The following AAMDC variants were observed in gnomAD, a reference collection of about 807,000 sequenced individuals.
The protein encoded by AAMDC is adipogenesis associated Mth938 domain containing, also known as mth938 domain-containing protein.
In AAMDC, 16 loss-of-function variants were observed where a neutral mutation model predicts 15.5. The ratio of observed to expected loss-of-function variants is 1.03; its 90% confidence interval spans 0.70 to 1.57. The LOEUF (loss-of-function observed/expected upper bound fraction) is 1.57, where lower values mean the gene tolerates loss of function less well. Among genes scored for constraint, AAMDC ranks in the 40% most tolerant of loss-of-function variants. The pLI, the probability that AAMDC is intolerant of heterozygous loss-of-function variation, is 0.00. For missense variants in AAMDC, 141 were observed against 144.9 expected, an observed-to-expected ratio of 0.97 and a Z score of 0.14; for synonymous variants, 51 against 51.6, an observed-to-expected ratio of 0.99 and a Z score of 0.05.
chr11:77,833,174 T>C (rs1949533677), intron 1 of AAMDC, among the ~76,000 whole-genome samples: 1 of 151,656 alleles, frequency 6.6e-6, no homozygotes, highest in Non-Finnish European at 1.5e-5. Context: ...CACACCCAGC[T>C]AATGTTTGCA....
chr11:77,901,244 A>G (rs1165218497), downstream of AAMDC: 7 of 731,932 alleles, frequency 9.6e-6, no homozygotes, highest in Non-Finnish European at 1.6e-5. Context: ...CAAGGGTCTA[A>G]TCTGATCCAA....
chr11:77,862,470 G>C (rs1307636872), intron 2 of AAMDC, among the ~76,000 whole-genome samples: 2 of 152,148 alleles, frequency 1.3e-5, no homozygotes, highest in East Asian at 3.8e-4. Context: ...CTCTGGCTGG[G>C]CCAAATTCTC....
chr11:77,826,820 T>G (rs554583669), intron 1 of AAMDC, among the ~76,000 whole-genome samples: 1 of 152,234 alleles, frequency 6.6e-6, no homozygotes, highest in East Asian at 1.9e-4. Context: ...AATACTGAAT[T>G]GGAGCTGGGT....
chr11:77,871,988 CTCTGA>C (rs1050335466), intron 3 of AAMDC, among the ~76,000 whole-genome samples, 182 bp from the exon 4 acceptor site: 3 of 152,106 alleles, frequency 2.0e-5, no homozygotes, highest in Non-Finnish European at 4.4e-5. Context: ...ATTATGATAC[CTCTGA>C]CAAAGAGGCC....
intron 2 of AAMDC, among the ~76,000 whole-genome samples, chr11:77,854,729 ATCTACCAT>A (rs1039007246): frequency 2.6e-5 from 4 of 152,036 alleles, no homozygotes; most frequent in Non-Finnish European, 5.9e-5. Flanking sequence ...CCGTTGGTGG[ATCTACCAT>A]TCTCATGTCT....
At chr11:77,875,053 A>AG (rs1951559389), downstream of AAMDC, among the ~76,000 whole-genome samples, 1 of 152,052 alleles carries the variant, frequency 6.6e-6, no homozygotes, top group Admixed American at 6.5e-5. Context: ...AAAAAAAAAA[A>AG]AAAGACATGA....
At chr11:77,837,415 T>G (rs1342873399) in intron 1 of AAMDC, among the ~76,000 whole-genome samples, 1 of 149,640 alleles carries the variant, frequency 6.7e-6, no homozygotes, top group Non-Finnish European at 1.5e-5. Flanking sequence ...GCATCACAGA[T>G]GTAAGCCACT....
intron 2 of AAMDC, chr11:77,851,000 G>A (rs931645377): frequency 1.5e-5 from 2 of 134,930 alleles, no homozygotes; most frequent in Admixed American, 8.2e-5. Context: ...CTGTGGCCCA[G>A]GCTGGAGTGC....
intron 5 of AAMDC, among the ~76,000 whole-genome samples, chr11:77,884,408 C>T (rs771017968): frequency 3.3e-5 from 5 of 152,248 alleles, no homozygotes; most frequent in South Asian, 2.1e-4. Context: ...TACGGAGAGA[C>T]GGCTCAATGA....
intron 2 of AAMDC, among the ~76,000 whole-genome samples, chr11:77,857,574 T>C (rs1435600204): frequency 6.6e-6 from 1 of 152,152 alleles, no homozygotes; most frequent in African/African-American, 2.4e-5. Flanking sequence ...TATTTTGTTT[T>C]ATTTATTTAT....
downstream of AAMDC, chr11:77,876,823 T>G (rs996389521): frequency 1.7e-6 from 1 of 599,550 alleles, no homozygotes; most frequent in Non-Finnish European, 3.0e-6. Flanking sequence ...GAGGGCTAAC[T>G]TGGAGGATTT....
chr11:77,879,048 A>G, intron 5 of AAMDC: 1 of 1,613,072 alleles, frequency 6.2e-7, no homozygotes, highest in Non-Finnish European at 8.5e-7. Flanking sequence ...ACATCTCACC[A>G]CCCTCCATCC....
At chr11:77,839,990 C>T (rs1949859475) in intron 1 of AAMDC, among the ~76,000 whole-genome samples, 1 of 151,946 alleles carries the variant, frequency 6.6e-6, no homozygotes, top group South Asian at 2.1e-4. Flanking sequence ...ATGTTACATG[C>T]ATATAACAAT....
intron 2 of AAMDC, among the ~76,000 whole-genome samples, chr11:77,856,636 G>A (rs912531501): frequency 2.0e-5 from 3 of 152,062 alleles, no homozygotes; most frequent in Admixed American, 1.3e-4. Flanking sequence ...TTACTATCAC[G>A]GCAGAAGGTG....
intron 1 of AAMDC, 47 bp from the exon 2 acceptor site, chr11:77,842,432 C>A: frequency 6.4e-7 from 1 of 1,560,166 alleles, no homozygotes; most frequent in South Asian, 1.2e-5. Context: ...CAAACTGTTT[C>A]AGCCTTACTT....
At chr11:77,891,977 G>C (rs1952290805) in intron 5 of AAMDC, 2 of 1,382,828 alleles carry the variant, frequency 1.4e-6, no homozygotes, top group African/African-American at 2.9e-5. Context: ...GACCAAGATA[G>C]ACTGGTACCT....
At chr11:77,871,376 C>A (rs1951423092) in intron 3 of AAMDC, among the ~76,000 whole-genome samples, 1 of 152,160 alleles carries the variant, frequency 6.6e-6, no homozygotes, top group Non-Finnish European at 1.5e-5. Flanking sequence ...TAAGCATTTT[C>A]TATGGGTAAG....
chr11:77,894,243 C>A, intron 5 of AAMDC: 1 of 988,084 alleles, frequency 1.0e-6, no homozygotes, highest in Non-Finnish European at 1.6e-6. Flanking sequence ...GTGCTATACT[C>A]CATGTAACCA....
intron 2 of AAMDC, 93 bp downstream of exon 2, chr11:77,842,721 CTT>C: frequency 6.5e-7 from 1 of 1,530,290 alleles, no homozygotes; most frequent in Non-Finnish European, 8.9e-7. Context: ...AACTATTTCT[CTT>C]GTGTCTTTTT....
Sources: gnomAD v4.1 joint callset for allele counts (sites outside exome capture counted in the v4.1 genomes callset) on GRCh38, gnomAD v4.1.1 for gene constraint, MANE v1.5 for transcripts, NCBI Gene and HGNC (gene_info 2026-07-23, HGNC 2026-07-21) for gene names.